Variants in SCN7A observed in about 807,000 individuals in gnomAD.
SCN7A encodes sodium voltage-gated channel alpha subunit 7.
SCN7A carries 138 observed loss-of-function variants against 155.2 expected under a neutral mutation model. The ratio of observed to expected loss-of-function variants is 0.89; its 90% CI spans 0.77 to 1.02. The LOEUF is 1.02. Ranked by LOEUF, SCN7A falls within the 50% of genes least tolerant of loss-of-function variation. SCN7A has a pLI of 0.00. For synonymous variants in SCN7A, 693 were observed against 649.0 expected, an observed-to-expected ratio of 1.07 and a Z score of -1.03; for missense variants, 2,058 against 1,986.6, an observed-to-expected ratio of 1.04 and a Z score of -0.68.
chr2:166,460,571 G>T (rs756586784), intron 10 of SCN7A, among the ~76,000 whole-genome samples: 1 of 152,062 alleles, frequency 6.6e-6, no homozygotes, highest in Non-Finnish European at 1.5e-5. Flanking sequence ...AGTGTAGGAT[G>T]TGCCTTACTC....
chr2:166,472,326 G>T lies in SCN7A; in HGVS notation c.563C>A (p.Thr188Asn). ...DPWNWLDFSV[T>N]VFEVIIRYSP... ...TTAAAGAAATACTCACTCAAACACAGTTACGCTGAAATCGAGCCAGTTCCA... is the reference window on the plus strand; with the variant it reads ...TTAAAGAAATACTCACTCAAACACATTTACGCTGAAATCGAGCCAGTTCCA... The change falls in exon 6 of 26, where the codon ACT becomes AAT. Residue 188 changes from threonine (T) to asparagine (N), a missense_variant. Transcript: ENST00000643258. 1.9e-6 allele frequency: 3 copies of T among 1,604,566 alleles called. No individual in the cohort carries two copies. In the East Asian group the frequency reaches 6.7e-5, roughly 36 times the overall value.
At chr2:166,456,701 T>G (rs116704022) in intron 11 of SCN7A, among the ~76,000 whole-genome samples, 169 bp downstream of exon 11, 259 of 152,112 alleles carry the variant, frequency 1.7e-3, no homozygotes, top group Non-Finnish European at 3.1e-3. Flanking sequence ...CCCCTGCTGT[T>G]TTTTGGAATC....
rs933362801 is a variant in SCN7A at position 166,404,361 on chromosome 2, A to C, written c.*1219T>G. The C allele has an allele frequency of 6.6e-6, 1 of 151,992 alleles. No homozygotes were observed. Among genetic ancestry groups the C allele is most frequent in the Non-Finnish European group, 1.5e-5 (1 of 67,942 alleles). 9.4% of individuals were successfully genotyped at this position (151,992 alleles called of 1,614,324 possible). A position where few individuals can be genotyped will look rare whatever the true frequency, so the allele number is the denominator to read the frequency against. On this transcript the variant is annotated 3_prime_UTR_variant, in exon 26 of 26. Coordinates refer to ENST00000643258, the MANE Select transcript of SCN7A (RefSeq NM_002976.4). ...TTTAGGATTTTACAGTTCTTTGAAT[A>C]TAAAACATTTTATAGAGTATGGATG...
chr2:166,492,211 G>A (rs150222364), intron 1 of SCN7A, among the ~76,000 whole-genome samples: 8 of 152,150 alleles, frequency 5.3e-5, no homozygotes, highest in African/African-American at 1.7e-4. Flanking sequence ...TCCAACGGTC[G>A]TGTGCCATCT....
intron 2 of SCN7A, among the ~76,000 whole-genome samples, chr2:166,480,452 C>T (rs1229685976): frequency 8.8e-5 from 11 of 125,594 alleles, no homozygotes; most frequent in African/African-American, 1.5e-4. Flanking sequence ...AGCGAGACTC[C>T]GTCTCAAAAA....
intron 1 of SCN7A, among the ~76,000 whole-genome samples, chr2:166,493,466 C>T (rs1020480345): frequency 6.6e-6 from 1 of 152,106 alleles, no homozygotes; most frequent in Non-Finnish European, 1.5e-5. Context: ...ACCAAAATGC[C>T]CAACTGACTA....
chr2:166,465,662 C>A, intron 8 of SCN7A, 119 bp downstream of exon 8: 1 of 1,297,958 alleles, frequency 7.7e-7, no homozygotes, highest in Admixed American at 1.9e-5. Flanking sequence ...ATATCCTTGC[C>A]TTTCAACCAG....
At chr2:166,442,560 A>AT (rs77796012) in intron 14 of SCN7A, among the ~76,000 whole-genome samples, 20,680 of 150,488 alleles carry the variant, frequency 0.14, 1,452 homozygotes, top group East Asian at 0.22. Flanking sequence ...CTAATTTTTT[A>AT]TTTTTTTTTA....
At chr2:166,414,195 ATATAT>A (rs1228091841) in intron 21 of SCN7A, among the ~76,000 whole-genome samples, 2 of 94,922 alleles carry the variant, frequency 2.1e-5, no homozygotes, top group South Asian at 2.7e-4. Context: ...ATAATATATA[ATATAT>A]TATATATATG....
Position 166,447,648 on chromosome 2 carries a change from C to A in SCN7A, c.1351G>T (p.Asp451Tyr). The A allele has an allele frequency of 6.2e-7, 1 of 1,613,120 alleles. No homozygotes were observed. The highest frequency in any genetic ancestry group is 2.2e-5 in the East Asian group (1 of 44,770). ...CTGAGAGTAGCATCTTCCAACACATCCAATGATGTGTCTGTGGAAATTGGT... is the reference window on the plus strand; with the variant it reads ...CTGAGAGTAGCATCTTCCAACACATACAATGATGTGTCTGTGGAAATTGGT... ...RSPISTDTSL[D>Y]VLEDATLRHK... Residue 451 changes from aspartate to tyrosine, a missense_variant, in exon 12 of 26, where the codon GAT becomes TAT. Physicochemically the swap from Asp to Tyr is radical, Grantham distance 160. Transcript: ENST00000643258.
intron 2 of SCN7A, among the ~76,000 whole-genome samples, chr2:166,478,207 T>C (rs1378592221): frequency 6.6e-6 from 1 of 151,516 alleles, no homozygotes; most frequent in Non-Finnish European, 1.5e-5. Flanking sequence ...TTACATCAGG[T>C]ATATCTCACA....
chr2:166,491,392 T>C (rs1481053749), intron 1 of SCN7A, among the ~76,000 whole-genome samples: 1 of 152,150 alleles, frequency 6.6e-6, no homozygotes, highest in East Asian at 1.9e-4. Context: ...TTATAAATAC[T>C]GCAGAGACAA....
chr2:166,461,562 A>G (rs180756432), intron 10 of SCN7A, among the ~76,000 whole-genome samples: 1 of 152,342 alleles, frequency 6.6e-6, no homozygotes, highest in African/African-American at 2.4e-5. Context: ...AAGAACAAAA[A>G]GAAACAGGAC....
chr2:166,455,772 C>A (rs1203705394), intron 11 of SCN7A, among the ~76,000 whole-genome samples: 1 of 152,130 alleles, frequency 6.6e-6, no homozygotes, highest in African/African-American at 2.4e-5. Flanking sequence ...TGAATTTTAT[C>A]GAAGGCCCTT....
chr2:166,437,178 C>T (rs912829535), intron 15 of SCN7A, among the ~76,000 whole-genome samples: 1 of 152,194 alleles, frequency 6.6e-6, no homozygotes, highest in Non-Finnish European at 1.5e-5. Flanking sequence ...CCAGGGTCCC[C>T]CTGCTGTGTG....
intron 10 of SCN7A, among the ~76,000 whole-genome samples, chr2:166,459,550 C>T (rs188434988): frequency 9.9e-5 from 15 of 152,150 alleles, no homozygotes; most frequent in African/African-American, 3.6e-4. Flanking sequence ...ACAATAATAT[C>T]CAAAACATAT....
At chr2:166,488,840 G>C (rs756836136) in intron 1 of SCN7A, among the ~76,000 whole-genome samples, 1 of 151,988 alleles carries the variant, frequency 6.6e-6, no homozygotes, top group Non-Finnish European at 1.5e-5. Context: ...GTTTCACCAT[G>C]TTGGCCAGGC....
intron 23 of SCN7A, 50 bp from the exon 24 acceptor site, chr2:166,410,374 T>C: frequency 7.6e-7 from 1 of 1,316,844 alleles, no homozygotes. Flanking sequence ...ATCCAAATTT[T>C]CCCTTATGTT....
In SCN7A at chr2:166,406,527, T is replaced by G. The variant is rs1417076029; in HGVS notation, c.4102A>C (p.Asn1368His). ...GACAGCATCAAAGGAAGCATCAGATTATGAAACACCTTTGGTCCTTTTCCA... is the reference window on the plus strand; with the variant it reads ...GACAGCATCAAAGGAAGCATCAGATGATGAAACACCTTTGGTCCTTTTCCA... ...RLGKGPKVFH[N>H]LMLPLMLSLP... The change falls in exon 26 of 26, where the codon AAT becomes CAT. Residue 1368 changes from asparagine to histidine, a missense_variant. Coordinates refer to ENST00000643258, the MANE Select transcript of SCN7A (RefSeq NM_002976.4). 2 of 1,612,828 alleles carry G rather than the reference T, an allele frequency of 1.2e-6. No homozygotes were observed. The highest frequency in any genetic ancestry group is 1.7e-6 in the Non-Finnish European group (2 of 1,179,268).
Sources: allele counts gnomAD v4.1 joint callset (sites outside exome capture counted in the v4.1 genomes callset), GRCh38; gene constraint gnomAD v4.1.1; transcripts MANE v1.5; gene names NCBI Gene and HGNC (gene_info 2026-07-23, HGNC 2026-07-21).